Variants in ATG13 observed in about 807,000 individuals in gnomAD.
ATG13 encodes the protein autophagy-related protein 13.
Under a neutral mutation model 65.5 loss-of-function variants are expected in ATG13, and 23 were observed. The observed-to-expected ratio is 0.35, with a 90% confidence interval of 0.25 to 0.50. The LOEUF (loss-of-function observed/expected upper bound fraction) is 0.50. ATG13 is among the 20% of genes least tolerant of loss of function. The pLI, the probability that ATG13 is intolerant of heterozygous loss-of-function variation, is 0.98. For synonymous variants in ATG13, 252 were observed against 245.2 expected (o/e 1.03, Z -0.26); for missense variants, 566 against 677.0 (o/e 0.84, Z 1.82).
At chr11:46,637,350 C>G (rs1260597414) in intron 2 of ATG13, among the ~76,000 whole-genome samples, 1 of 152,176 alleles carries the variant, frequency 6.6e-6, no homozygotes, top group Non-Finnish European at 1.5e-5. Flanking sequence ...AGGAGAATAT[C>G]TTCATGATTT....
At position 46,672,934 on chromosome 11, in the gene ATG13, C is replaced by A; in HGVS notation, c.*602C>A. The A allele has an allele frequency of 1.4e-6, 1 of 694,946 alleles. No homozygotes were observed. The highest frequency in any genetic ancestry group is 2.0e-6 in the Non-Finnish European group (1 of 495,780). The allele number at this position is 694,946 out of a possible 1,614,324, so 43.0% of individuals were successfully genotyped here. A position where few individuals can be genotyped will look rare whatever the true frequency, so the allele number is the denominator to read the frequency against. On this transcript the variant is annotated 3_prime_UTR_variant, in exon 19 of 19. Coordinates refer to ENST00000683050, the MANE Select transcript of ATG13 (RefSeq NM_001346311.2). ...GCCTGCCTACCCAAGATCAGAACTC[C>A]AAAACCACTCCCACCCCTGAAGGTC...
intron 1 of ATG13, among the ~76,000 whole-genome samples, chr11:46,625,118 A>G (rs936321117): frequency 2.0e-5 from 3 of 151,700 alleles, no homozygotes; most frequent in Non-Finnish European, 4.4e-5. Flanking sequence ...ACTTGAAGCC[A>G]GGAGTTCCAG....
At chr11:46,645,240 A>G in intron 3 of ATG13, 99 bp from the exon 4 acceptor site, 1 of 977,274 alleles carries the variant, frequency 1.0e-6, no homozygotes, top group Non-Finnish European at 1.5e-6. Flanking sequence ...GGCATCTTTT[A>G]AACTCTGTAT....
intron 5 of ATG13, among the ~76,000 whole-genome samples, chr11:46,648,102 A>ACC (rs113498247): frequency 7.3e-6 from 1 of 137,016 alleles, no homozygotes; most frequent in African/African-American, 2.8e-5. Flanking sequence ...ACTTAACCCC[A>ACC]CCCCCCCCAG....
rs1243767001 is a variant in ATG13, at chr11:46,673,038, C to G, written c.*706C>G. 1 of 207,188 alleles carries G rather than the reference C, an allele frequency of 4.8e-6. No individual in the cohort carries two copies. The highest frequency in any genetic ancestry group is 5.3e-5 in the Admixed American group (1 of 18,842). The allele number at this position is 207,188 out of a possible 1,614,324, so 12.8% of individuals were successfully genotyped here. A position where few individuals can be genotyped will look rare whatever the true frequency, so the allele number is the denominator to read the frequency against. On this transcript the variant is annotated 3_prime_UTR_variant, in exon 19 of 19. Coordinates refer to ENST00000683050, the MANE Select transcript of ATG13 (RefSeq NM_001346311.2). ...GGGAAATAAAAATGGCACCCTGAATCTCTAGGATTTTGTCACTTGGAGTCA... is the reference window on the plus strand; with the variant it reads ...GGGAAATAAAAATGGCACCCTGAATGTCTAGGATTTTGTCACTTGGAGTCA...
chr11:46,665,583 C>T (rs927810393), intron 14 of ATG13, 64 bp downstream of exon 14: 49 of 1,571,970 alleles, frequency 3.1e-5, no homozygotes, highest in Middle Eastern at 1.7e-4. Context: ...CCCTGACACA[C>T]GTGCTTATTT....
Position 46,664,705 on chromosome 11 carries a change from AT to A in ATG13, c.889-143del. 3 of 675,454 alleles carry A rather than the reference AT, an allele frequency of 4.4e-6. No homozygotes were observed. In the South Asian group the frequency reaches 5.5e-5, roughly 12 times the overall value. 41.8% of individuals were successfully genotyped at this position (675,454 alleles called of 1,614,324 possible). A position where few individuals can be genotyped will look rare whatever the true frequency, so the allele number is the denominator to read the frequency against. On this transcript the variant is annotated intron_variant, in intron 12 of 18. Transcript: ENST00000683050. ...ACGGCCTCATCTGTCCCTAACCCCT[AT>A]CACGTCAGGCCCCCTGCACTGTGGG...
rs59021153 is a variant in ATG13, at chr11:46,622,123, A to G, written c.-70+4233A>G. Among the ~76,000 whole-genome samples the G allele has an allele frequency of 1.0e-4, 8 of 77,898 alleles. No individual in the cohort carries two copies. The East Asian group carries it at 2.0e-3, about 20-fold the overall frequency. 51.1% of individuals were successfully genotyped at this position (77,898 alleles called of 152,430 possible). Reference sequence around the variant, plus strand: ...TATATATATATATATATATATATATATATATTTATTTTAGAGATGGTATTT... The same window carrying G: ...TATATATATATATATATATATATATGTATATTTATTTTAGAGATGGTATTT... On this transcript the variant is annotated intron_variant, in intron 1 of 18. Coordinates refer to ENST00000683050, the MANE Select transcript of ATG13 (RefSeq NM_001346311.2).
intron 1 of ATG13, among the ~76,000 whole-genome samples, chr11:46,625,064 G>A (rs2049017805): frequency 6.6e-6 from 1 of 151,536 alleles, no homozygotes; most frequent in African/African-American, 2.4e-5. Context: ...GCTCACACCT[G>A]TAATCCTAAT....
chr11:46,627,509 TG>T (rs980706011), intron 1 of ATG13, among the ~76,000 whole-genome samples: 1 of 152,086 alleles, frequency 6.6e-6, no homozygotes, highest in South Asian at 2.1e-4. Context: ...TTGCTCTTGT[TG>T]CCCAGGCTGG....
intron 1 of ATG13, among the ~76,000 whole-genome samples, chr11:46,619,953 C>T: frequency 6.7e-6 from 1 of 149,116 alleles, no homozygotes; most frequent in Non-Finnish European, 1.5e-5. Flanking sequence ...CGCTTGAACC[C>T]AGGAGGTGGA....
Position 46,665,266 on chromosome 11 carries a change from T to C in ATG13, c.1000-117T>C, listed in dbSNP as rs953504543. The C allele has an allele frequency of 7.0e-6, 9 of 1,287,964 alleles. No individual in the cohort carries two copies. In the African/African-American group the frequency reaches 1.3e-4, roughly 19 times the overall value. The allele number at this position is 1,287,964 out of a possible 1,614,324, so 79.8% of individuals were successfully genotyped here. On this transcript the variant is annotated intron_variant, in intron 13 of 18. Coordinates refer to ENST00000683050, the MANE Select transcript of ATG13 (RefSeq NM_001346311.2). Reference sequence around the variant, plus strand: ...TAAAGATCCAGGGATTGCTGCCTACTTGGTGGCAGCGTTGGTGATGGAAAA... The same window carrying C: ...TAAAGATCCAGGGATTGCTGCCTACCTGGTGGCAGCGTTGGTGATGGAAAA...
chr11:46,668,636 G>T, intron 16 of ATG13, 60 bp downstream of exon 16: 1 of 1,572,312 alleles, frequency 6.4e-7, no homozygotes, highest in Non-Finnish European at 8.8e-7. Flanking sequence ...TGTTCTTCCT[G>T]AGCCAGAGTC....
At chr11:46,628,203 G>A (rs1200130316) in intron 1 of ATG13, among the ~76,000 whole-genome samples, 3 of 151,874 alleles carry the variant, frequency 2.0e-5, no homozygotes, top group African/African-American at 7.3e-5. Context: ...AGGAGTTCTA[G>A]ATCAGCTTGG....
In ATG13 at chr11:46,663,989, G is replaced by A; in HGVS notation, c.790-8G>A. The A allele has an allele frequency of 9.1e-7, 1 of 1,101,178 alleles. No homozygotes were observed. Among genetic ancestry groups the A allele is most frequent in the East Asian group, 2.9e-5 (1 of 34,814 alleles). The allele number at this position is 1,101,178 out of a possible 1,614,324, so 68.2% of individuals were successfully genotyped here. On this transcript the variant is annotated splice_region_variant and splice_polypyrimidine_tract_variant and intron_variant, in intron 11 of 18. Transcript: ENST00000683050. ...GTTTCTCCTGTCTCTGTGTGTGTCT[G>A]TGCACAGTGTGTGTTTACTGTCACA... is the stretch of plus-strand genomic sequence containing the variant.
intron 18 of ATG13, among the ~76,000 whole-genome samples, chr11:46,670,501 A>G (rs2063479968): frequency 2.7e-5 from 4 of 150,176 alleles, no homozygotes; most frequent in Admixed American, 2.7e-4. Context: ...AAAAAAAGTA[A>G]TAATTACTAC....
intron 1 of ATG13, among the ~76,000 whole-genome samples, chr11:46,620,718 T>G (rs1409744095): frequency 6.6e-6 from 1 of 151,848 alleles, no homozygotes; most frequent in African/African-American, 2.4e-5. Context: ...GAGGTTGCTG[T>G]GAGCCGAGAT....
intron 7 of ATG13, among the ~76,000 whole-genome samples, chr11:46,651,897 A>G (rs1260133783): frequency 6.6e-6 from 1 of 152,178 alleles, no homozygotes; most frequent in Non-Finnish European, 1.5e-5. Flanking sequence ...GTTACCTAGG[A>G]CTGCTAGTCC....
chr11:46,644,221 G>A, intron 2 of ATG13, 58 bp from the exon 3 acceptor site: 1 of 1,280,776 alleles, frequency 7.8e-7, no homozygotes, highest in Non-Finnish European at 1.1e-6. Flanking sequence ...TGTATGCTTT[G>A]ATGTATCAAT....
Sources: allele counts gnomAD v4.1 joint callset (sites outside exome capture counted in the v4.1 genomes callset), GRCh38; gene constraint gnomAD v4.1.1; transcripts MANE v1.5; gene names NCBI Gene and HGNC (gene_info 2026-07-23, HGNC 2026-07-21).